The following DCC variants were observed in gnomAD, a reference collection of about 807,000 sequenced individuals.
The protein encoded by DCC is netrin receptor DCC.
DCC carries 58 observed loss-of-function variants against 172.5 expected under a neutral mutation model. That is an observed-to-expected ratio of 0.34 (90% CI 0.27 to 0.42). The LOEUF (loss-of-function observed/expected upper bound fraction) is 0.42, where lower values mean the gene tolerates loss of function less well. Ranked by LOEUF, DCC falls within the 10% of genes least tolerant of loss-of-function variation. The probability of loss-of-function intolerance (pLI) is 1.00; values close to 1 mark genes in which losing one functional copy is unlikely to be tolerated. For missense variants in DCC, 1,740 were observed against 1,791.0 expected, an observed-to-expected ratio of 0.97 and a Z score of 0.51; for synonymous variants, 709 against 644.5, an observed-to-expected ratio of 1.10 and a Z score of -1.52.
At chr18:53,239,683 A>G (rs2056259293) in intron 12 of DCC, among the ~76,000 whole-genome samples, 2 of 152,184 alleles carry the variant, frequency 1.3e-5, no homozygotes, top group Non-Finnish European at 2.9e-5. Flanking sequence ...GAAGAATTCA[A>G]ATGTTTTGAA....
chr18:52,882,190 A>T (rs947525232), intron 2 of DCC, among the ~76,000 whole-genome samples: 3 of 149,384 alleles, frequency 2.0e-5, no homozygotes, highest in African/African-American at 7.3e-5. Flanking sequence ...TAGTTGTTTT[A>T]GGGATCCTTT....
At chr18:52,367,168 G>A (rs917098385) in intron 1 of DCC, among the ~76,000 whole-genome samples, 2 of 152,162 alleles carry the variant, frequency 1.3e-5, no homozygotes, top group African/African-American at 2.4e-5. Context: ...CTCATTGCCC[G>A]GGGCCAGCAG....
At chr18:53,027,751 T>TC (rs1255985179) in intron 5 of DCC, among the ~76,000 whole-genome samples, 1 of 151,498 alleles carries the variant, frequency 6.6e-6, no homozygotes, top group Non-Finnish European at 1.5e-5. Context: ...GCCTCCAACT[T>TC]CTTTTACAGC....
chr18:52,802,813 A>T (rs928660934), intron 2 of DCC, among the ~76,000 whole-genome samples: 16 of 151,086 alleles, frequency 1.1e-4, no homozygotes, highest in Admixed American at 8.6e-4. Context: ...AGCCCTGAAA[A>T]TCTTAACTAC....
intron 5 of DCC, among the ~76,000 whole-genome samples, chr18:52,963,279 A>G (rs1208097723): frequency 6.6e-6 from 1 of 151,760 alleles, no homozygotes; most frequent in African/African-American, 2.4e-5. Flanking sequence ...TATTTTCCAT[A>G]ATAAGCATGC....
At chr18:52,696,589 C>T (rs964257080) in intron 1 of DCC, among the ~76,000 whole-genome samples, 1 of 152,334 alleles carries the variant, frequency 6.6e-6, no homozygotes, top group East Asian at 1.9e-4. Flanking sequence ...GAGTCTATAT[C>T]TCTCTTGAGA....
chr18:52,400,987 A>G (rs930416352), intron 1 of DCC, among the ~76,000 whole-genome samples: 2 of 152,062 alleles, frequency 1.3e-5, no homozygotes, highest in Non-Finnish European at 2.9e-5. Context: ...AGAAATACCT[A>G]ATGTAGATGA....
At chr18:52,982,979 C>T in intron 5 of DCC, among the ~76,000 whole-genome samples, 1 of 152,180 alleles carries the variant, frequency 6.6e-6, no homozygotes, top group East Asian at 1.9e-4. Flanking sequence ...TCATCAGTAT[C>T]TCCTGGTTTG....
At chr18:52,729,490 C>A (rs574857829) in intron 1 of DCC, among the ~76,000 whole-genome samples, 3 of 152,126 alleles carry the variant, frequency 2.0e-5, no homozygotes, top group Non-Finnish European at 2.9e-5. Flanking sequence ...GAACTCCTGA[C>A]CTCAAATGAT....
intron 8 of DCC, among the ~76,000 whole-genome samples, chr18:53,159,686 T>A (rs2054803305): frequency 6.6e-6 from 1 of 150,674 alleles, no homozygotes; most frequent in African/African-American, 2.4e-5. Flanking sequence ...TGCATATATG[T>A]AAAAGTGTGG....
intron 25 of DCC, 34 bp from the exon 26 acceptor site, chr18:53,486,763 G>T (rs560359989): frequency 3.6e-5 from 58 of 1,613,866 alleles, no homozygotes; most frequent in Admixed American, 5.0e-5. Context: ...AATACATAAG[G>T]TTCAAAAAAC....
chr18:53,262,303 G>C (rs554850979), intron 12 of DCC, among the ~76,000 whole-genome samples: 1 of 152,158 alleles, frequency 6.6e-6, no homozygotes, highest in African/African-American at 2.4e-5. Context: ...TCTATATACA[G>C]ACCAAATGCT....
At chr18:53,355,114 G>T (rs1003470919) in intron 15 of DCC, among the ~76,000 whole-genome samples, 28 of 152,070 alleles carry the variant, frequency 1.8e-4, no homozygotes, top group Non-Finnish European at 4.0e-4. Context: ...TGAGGGCTCT[G>T]TTCTGTTCCA....
At chr18:53,186,110 G>C (rs1381412323) in intron 9 of DCC, among the ~76,000 whole-genome samples, 1 of 151,980 alleles carries the variant, frequency 6.6e-6, no homozygotes, top group Admixed American at 6.6e-5. Flanking sequence ...CTTTTCTTTT[G>C]AGCACACAGT....
chr18:52,816,345 C>T (rs918736631), intron 2 of DCC, among the ~76,000 whole-genome samples: 1 of 152,184 alleles, frequency 6.6e-6, no homozygotes, highest in African/African-American at 2.4e-5. Flanking sequence ...TCAACGAAAA[C>T]ATTCCTCTCT....
At chr18:52,725,660 G>T (rs570976003) in intron 1 of DCC, among the ~76,000 whole-genome samples, 22 of 152,108 alleles carry the variant, frequency 1.4e-4, no homozygotes, top group Non-Finnish European at 2.5e-4. Context: ...GGAGAGGGTG[G>T]TTTTATCTTA....
At chr18:53,141,804 C>A (rs559868104) in intron 7 of DCC, among the ~76,000 whole-genome samples, 1 of 152,290 alleles carries the variant, frequency 6.6e-6, no homozygotes, top group East Asian at 1.9e-4. Context: ...ACTTCCCACC[C>A]GCAATTTTGA....
chr18:52,539,009 C>T (rs573119607), intron 1 of DCC, among the ~76,000 whole-genome samples: 15 of 152,194 alleles, frequency 9.9e-5, no homozygotes, highest in African/African-American at 3.4e-4. Flanking sequence ...ATAAAATTAG[C>T]CTCTTGTTCT....
intron 5 of DCC, among the ~76,000 whole-genome samples, chr18:53,033,878 C>G (rs2042058244): frequency 6.6e-6 from 1 of 152,086 alleles, no homozygotes; most frequent in African/African-American, 2.4e-5. Flanking sequence ...CTCCAATGAC[C>G]TGTATGGTTA....
Sources: gnomAD v4.1 joint callset for allele counts (sites outside exome capture counted in the v4.1 genomes callset) on GRCh38, gnomAD v4.1.1 for gene constraint, MANE v1.5 for transcripts, NCBI Gene and HGNC (gene_info 2026-07-23, HGNC 2026-07-21) for gene names.